The following AOPEP variants were observed in gnomAD, a reference collection of about 807,000 sequenced individuals.
AOPEP encodes aminopeptidase O.
Under a neutral mutation model 98.1 loss-of-function variants are expected in AOPEP, and 77 were observed. The ratio of observed to expected loss-of-function variants is 0.78; its 90% CI spans 0.65 to 0.95. AOPEP has a LOEUF of 0.95. Among genes scored for constraint, AOPEP ranks in the 40% least tolerant of loss-of-function variants. The probability of loss-of-function intolerance (pLI) is 0.00; values close to 1 mark genes in which losing one functional copy is unlikely to be tolerated. For missense variants in AOPEP, 1,024 were observed against 1,024.7 expected (o/e 1.00, Z 0.01); for synonymous variants, 346 against 365.3 (o/e 0.95, Z 0.60).
At chr9:94,825,749 G>A (rs1470449769) in intron 5 of AOPEP, among the ~76,000 whole-genome samples, 1 of 152,160 alleles carries the variant, frequency 6.6e-6, no homozygotes, top group East Asian at 1.9e-4. Context: ...TATAATTACA[G>A]GGCGCCCATC....
At chr9:94,986,724 C>T (rs72750361) in intron 11 of AOPEP, among the ~76,000 whole-genome samples, 7,079 of 152,212 alleles carry the variant, frequency 0.047, 456 homozygotes, top group African/African-American at 0.14. Flanking sequence ...TGATTTGACA[C>T]TGTCCAAATA....
the AOPEP span, among the ~76,000 whole-genome samples, chr9:95,149,033 G>C: frequency 6.6e-6 from 1 of 151,716 alleles, no homozygotes; most frequent in Non-Finnish European, 1.5e-5. Context: ...TAGAAAATGA[G>C]ACTTGCAAAA....
At chr9:94,798,260 A>G (rs994270020) in intron 4 of AOPEP, among the ~76,000 whole-genome samples, 4 of 152,180 alleles carry the variant, frequency 2.6e-5, no homozygotes, top group African/African-American at 9.7e-5. Context: ...TGATTGCCTT[A>G]AAGTCCTGCA....
intron 5 of AOPEP, among the ~76,000 whole-genome samples, chr9:94,876,835 A>G (rs1313856760): frequency 1.3e-5 from 2 of 152,172 alleles, no homozygotes; most frequent in African/African-American, 4.8e-5. Context: ...CTAAAGTTGC[A>G]TGATGTTCCA....
the AOPEP span, among the ~76,000 whole-genome samples, chr9:95,134,545 T>C: frequency 3.9e-5 from 6 of 152,082 alleles, no homozygotes; most frequent in Non-Finnish European, 5.9e-5. Context: ...TTACGAAAGC[T>C]AAAGGGAAAA....
At chr9:94,773,307 C>G in intron 3 of AOPEP, 139 bp downstream of exon 3, 1 of 714,670 alleles carries the variant, frequency 1.4e-6, no homozygotes, top group Non-Finnish European at 2.2e-6. Context: ...AACATCCTGC[C>G]AGGGAAAACA....
the AOPEP span, among the ~76,000 whole-genome samples, chr9:95,135,950 C>A: frequency 3.3e-5 from 5 of 152,196 alleles, no homozygotes; most frequent in Non-Finnish European, 1.5e-5. Context: ...AGAAGTTAAC[C>A]TCAGTTTATT....
At chr9:95,051,264 A>G (rs2066338987) in intron 13 of AOPEP, among the ~76,000 whole-genome samples, 1 of 151,058 alleles carries the variant, frequency 6.6e-6, no homozygotes, top group South Asian at 2.1e-4. Context: ...TAATTTTTGT[A>G]TTTTTAGTAG....
intron 11 of AOPEP, among the ~76,000 whole-genome samples, chr9:94,997,740 C>T (rs2061330653): frequency 6.6e-6 from 1 of 152,202 alleles, no homozygotes; most frequent in South Asian, 2.1e-4. Context: ...ATTACCCAGG[C>T]TGGAGTGCGG....
intron 11 of AOPEP, among the ~76,000 whole-genome samples, chr9:94,988,512 G>C (rs189790403): frequency 2.0e-5 from 3 of 152,186 alleles, no homozygotes; most frequent in Non-Finnish European, 4.4e-5. Flanking sequence ...TGACACCGTA[G>C]AGAGAAAGCT....
intron 7 of AOPEP, among the ~76,000 whole-genome samples, chr9:94,949,660 A>G (rs2057956248): frequency 1.3e-5 from 2 of 152,222 alleles, no homozygotes; most frequent in South Asian, 4.1e-4. Flanking sequence ...AGCGGTGTTG[A>G]TACAATACAA....
chr9:94,920,470 A>T (rs1331794778), intron 5 of AOPEP: 1 of 152,302 alleles, frequency 6.6e-6, no homozygotes, highest in African/African-American at 2.4e-5. Flanking sequence ...AGCCTGCTGG[A>T]ACCTGCTGTG....
At chr9:95,126,980 G>C in the AOPEP span, 1 of 249,204 alleles carries the variant, frequency 4.0e-6, no homozygotes, top group East Asian at 9.1e-5. Flanking sequence ...TGTGCCTCGA[G>C]GTCAGGCCCG....
At chr9:94,853,216 T>C (rs1486465323) in intron 5 of AOPEP, among the ~76,000 whole-genome samples, 1 of 152,206 alleles carries the variant, frequency 6.6e-6, no homozygotes, top group Non-Finnish European at 1.5e-5. Flanking sequence ...TCCCAGCAGT[T>C]TGGGAGGCCG....
intron 3 of AOPEP, among the ~76,000 whole-genome samples, chr9:94,788,107 G>A (rs980818011): frequency 2.6e-5 from 4 of 151,980 alleles, no homozygotes; most frequent in Admixed American, 6.6e-5. Context: ...GTCTTCCTCT[G>A]TCGCCCAGGC....
At chr9:94,887,513 T>G (rs1213840503) in intron 5 of AOPEP, among the ~76,000 whole-genome samples, 1 of 152,178 alleles carries the variant, frequency 6.6e-6, no homozygotes. Context: ...CTGATGCCTG[T>G]AAGATGGGGC....
intron 7 of AOPEP, chr9:94,931,779 G>A (rs1387560432): frequency 6.5e-7 from 1 of 1,549,830 alleles, no homozygotes; most frequent in African/African-American, 1.4e-5. Flanking sequence ...TGTTCAACAT[G>A]TTTGACCACT....
chr9:95,148,476 G>C, the AOPEP span, among the ~76,000 whole-genome samples: 1 of 152,254 alleles, frequency 6.6e-6, no homozygotes, highest in South Asian at 2.1e-4. Flanking sequence ...ATGACTGACA[G>C]TGTTTGTAGC....
In AOPEP at chr9:94,759,902, AG is replaced by A. The variant is rs772182430; in HGVS notation, c.123del (p.Thr42ProfsTer2). The A allele has an allele frequency of 6.2e-7, 1 of 1,614,188 alleles. No individual in the cohort carries two copies. The highest frequency in any genetic ancestry group is 8.5e-7 in the Non-Finnish European group (1 of 1,180,038). On this transcript the variant is annotated frameshift_variant, in exon 2 of 17. Coordinates refer to ENST00000375315, the MANE Select transcript of AOPEP (RefSeq NM_001193329.3). LOFTEE classifies it high-confidence loss of function. ...LDVDFESQVIEGTIVLFLEDG... is the reference protein window; with the variant it reads ...LDVDFESQVIXGTIVLFLEDG... ...GTGGATTTTGAAAGTCAAGTCATTG[AG>A]GGGACCATAGTGCTTTTCCTCGAGG...
Sources: gnomAD v4.1 joint callset for allele counts (sites outside exome capture counted in the v4.1 genomes callset) on GRCh38, gnomAD v4.1.1 for gene constraint, MANE v1.5 for transcripts, NCBI Gene and HGNC (gene_info 2026-07-23, HGNC 2026-07-21) for gene names.